Variants in CIMAP2 observed in about 807,000 individuals in gnomAD.
CIMAP2 encodes the protein ciliary microtubule-associated protein 2.
chr1:54,842,096 A>T, the CIMAP2 span: 1 of 584,944 alleles, frequency 1.7e-6, no homozygotes, highest in Non-Finnish European at 3.0e-6. Context: ...GTTGCAGGAG[A>T]TCAATTATCC....
chr1:54,806,874 C>G, the CIMAP2 span: 1 of 914,830 alleles, frequency 1.1e-6, no homozygotes. Context: ...CACTACTTTT[C>G]TTTCATGAGC....
At chr1:54,829,579 T>G in the CIMAP2 span, among the ~76,000 whole-genome samples, 1 of 152,250 alleles carries the variant, frequency 6.6e-6, no homozygotes, top group African/African-American at 2.4e-5. Context: ...ACCTGCCCTG[T>G]GCTTGGTTCT....
the CIMAP2 span, among the ~76,000 whole-genome samples, chr1:54,825,665 G>T: frequency 6.6e-6 from 1 of 152,092 alleles, no homozygotes; most frequent in African/African-American, 2.4e-5. Context: ...TGGGCGGGCT[G>T]GTCCTCAGGC....
the CIMAP2 span, among the ~76,000 whole-genome samples, chr1:54,826,502 T>C: frequency 1.3e-5 from 2 of 152,178 alleles, no homozygotes; most frequent in African/African-American, 4.8e-5. Context: ...AGATGTAGAC[T>C]GGTGGGGACT....
the CIMAP2 span, among the ~76,000 whole-genome samples, chr1:54,823,827 A>G: frequency 1.3e-5 from 2 of 152,216 alleles, no homozygotes; most frequent in African/African-American, 4.8e-5. Context: ...CATTTCTTGT[A>G]GGACTGGTCT....
the CIMAP2 span, among the ~76,000 whole-genome samples, chr1:54,810,906 C>T: frequency 6.6e-6 from 1 of 152,216 alleles, no homozygotes; most frequent in African/African-American, 2.4e-5. Flanking sequence ...CTACTGCTCG[C>T]ACCTTCACTT....
chr1:54,809,814 T>TG, the CIMAP2 span, among the ~76,000 whole-genome samples: 30 of 151,748 alleles, frequency 2.0e-4, no homozygotes, highest in Admixed American at 4.6e-4. Flanking sequence ...TCTTTTTCAC[T>TG]GGGGGGCCTT....
chr1:54,815,250 G>A, the CIMAP2 span, among the ~76,000 whole-genome samples: 1 of 152,198 alleles, frequency 6.6e-6, no homozygotes, highest in Non-Finnish European at 1.5e-5. Flanking sequence ...TCACCTGTAG[G>A]ACTTGTTAAA....
At chr1:54,811,765 G>GGGGGGGGGGGGGCCCCCC in the CIMAP2 span, 2 of 1,301,332 alleles carry the variant, frequency 1.5e-6, no homozygotes, top group South Asian at 1.2e-5. Flanking sequence ...GGTTCTGACA[G>GGGGGGGGGGGGGCCCCCC]CCTCCATGCC....
At chr1:54,838,730 A>G in the CIMAP2 span, among the ~76,000 whole-genome samples, 1 of 152,052 alleles carries the variant, frequency 6.6e-6, no homozygotes, top group Non-Finnish European at 1.5e-5. Context: ...ATGGTCTTGG[A>G]TGGAACAGCT....
chr1:54,811,771 A>AT, the CIMAP2 span: 2 of 440,398 alleles, frequency 4.5e-6, no homozygotes, highest in South Asian at 3.2e-5. Flanking sequence ...GACAGCCTCC[A>AT]TGCCCCCACC....
At chr1:54,811,295 C>G in the CIMAP2 span, among the ~76,000 whole-genome samples, 14 of 152,110 alleles carry the variant, frequency 9.2e-5, no homozygotes, top group African/African-American at 3.1e-4. Context: ...TTGGAATTGC[C>G]AAATCCACCA....
chr1:54,820,420 C>T, the CIMAP2 span, among the ~76,000 whole-genome samples: 1 of 151,978 alleles, frequency 6.6e-6, no homozygotes, highest in African/African-American at 2.4e-5. Flanking sequence ...TCAAGTGGTC[C>T]TCCCACCTCG....
the CIMAP2 span, chr1:54,807,632 GGCTGACCCA>G: frequency 3.1e-6 from 5 of 1,611,150 alleles, no homozygotes; most frequent in Non-Finnish European, 4.2e-6. Context: ...GAAGCCACGC[GGCTGACCCA>G]GCTACCCCAC....
the CIMAP2 span, among the ~76,000 whole-genome samples, chr1:54,829,823 A>G: frequency 6.6e-6 from 1 of 152,138 alleles, no homozygotes; most frequent in Non-Finnish European, 1.5e-5. Context: ...TTAAAGATTA[A>G]TATATTCTTT....
the CIMAP2 span, among the ~76,000 whole-genome samples, chr1:54,841,368 C>T: frequency 2.0e-5 from 3 of 152,254 alleles, no homozygotes; most frequent in East Asian, 3.9e-4. Context: ...AGGGTTTCCA[C>T]TCATGGGAAA....
chr1:54,811,256 C>T, the CIMAP2 span, among the ~76,000 whole-genome samples: 10 of 152,260 alleles, frequency 6.6e-5, no homozygotes, highest in African/African-American at 1.2e-4. Flanking sequence ...CCTCATGTCA[C>T]GCAGGGCTGT....
chr1:54,831,156 G>T, the CIMAP2 span, among the ~76,000 whole-genome samples: 1 of 152,184 alleles, frequency 6.6e-6, no homozygotes, highest in African/African-American at 2.4e-5. Flanking sequence ...AAACATAAAT[G>T]ATAGAAAACA....
the CIMAP2 span, among the ~76,000 whole-genome samples, chr1:54,837,005 T>C: frequency 1.3e-5 from 2 of 152,064 alleles, no homozygotes; most frequent in Non-Finnish European, 2.9e-5. Context: ...TTGGAAGATG[T>C]AATGTTAGGA....
Sources: gnomAD v4.1 joint callset for allele counts (sites outside exome capture counted in the v4.1 genomes callset) on GRCh38, gnomAD v4.1.1 for gene constraint, MANE v1.5 for transcripts, NCBI Gene and HGNC (gene_info 2026-07-23, HGNC 2026-07-21) for gene names.